Variants in PDE1C observed in about 807,000 individuals in gnomAD.
PDE1C encodes phosphodiesterase 1C, also known as dual specificity calcium/calmodulin-dependent 3',5'-cyclic nucleotide phosphodiesterase 1C.
A neutral mutation model predicts 93.1 loss-of-function variants in PDE1C; 62 were observed. The observed-to-expected ratio is 0.67, with a 90% CI of 0.54 to 0.82. PDE1C has a LOEUF of 0.82. PDE1C is among the 40% of genes least tolerant of loss of function. The probability of loss-of-function intolerance (pLI) is 0.00; values close to 1 mark genes in which losing one functional copy is unlikely to be tolerated. For missense variants in PDE1C, 742 were observed against 884.6 expected, an observed-to-expected ratio of 0.84 and a Z score of 2.04; for synonymous variants, 325 against 310.1, an observed-to-expected ratio of 1.05 and a Z score of -0.50.
chr7:31,861,773 C>G (rs959766446), intron 7 of PDE1C, among the ~76,000 whole-genome samples: 6 of 152,154 alleles, frequency 3.9e-5, no homozygotes, highest in African/African-American at 1.4e-4. Flanking sequence ...ATTTTCCTAG[C>G]AGGCTGCCTT....
chr7:32,218,668 A>G (rs2128852002), intron 1 of PDE1C, among the ~76,000 whole-genome samples: 1 of 152,064 alleles, frequency 6.6e-6, no homozygotes, highest in African/African-American at 2.4e-5. Flanking sequence ...ATTTATCTAC[A>G]CTCTATCTCA....
chr7:32,273,915 A>G (rs952464053), intron 1 of PDE1C, among the ~76,000 whole-genome samples: 35 of 152,370 alleles, frequency 2.3e-4, no homozygotes, highest in African/African-American at 6.7e-4. Context: ...CAATGCAGTT[A>G]GAATAACAAT....
intron 17 of PDE1C, among the ~76,000 whole-genome samples, chr7:31,769,167 G>A (rs1384570044): frequency 6.6e-6 from 1 of 152,188 alleles, no homozygotes; most frequent in East Asian, 1.9e-4. Context: ...ATGTTTTAAT[G>A]TGCCTTCACT....
chr7:31,822,739 T>A (rs1469444358), intron 14 of PDE1C, among the ~76,000 whole-genome samples: 1 of 152,130 alleles, frequency 6.6e-6, no homozygotes, highest in East Asian at 1.9e-4. Flanking sequence ...AATAAAAGCC[T>A]CACAGTTGTG....
chr7:32,113,290 T>C (rs1262428356), intron 3 of PDE1C, among the ~76,000 whole-genome samples: 2 of 143,518 alleles, frequency 1.4e-5, no homozygotes, highest in African/African-American at 5.1e-5. Context: ...TGGATCCATA[T>C]ATATATTTAT....
chr7:32,024,342 T>C (rs17336658), intron 2 of PDE1C, among the ~76,000 whole-genome samples: 12,253 of 151,856 alleles, frequency 0.081, 577 homozygotes, highest in Non-Finnish European at 0.092. Flanking sequence ...ATCAACATTA[T>C]AAGGCAATTG....
In PDE1C at chr7:31,878,979, A is replaced by G. The variant is rs1796933219; in HGVS notation, c.425+17T>C. ...TGGCTGCTTTAGTCACTAAATGACAATGAATGACATCTTTACCTCTCCACA... is the reference window on the plus strand; with the variant it reads ...TGGCTGCTTTAGTCACTAAATGACAGTGAATGACATCTTTACCTCTCCACA... On this transcript the variant is annotated intron_variant, in intron 4 of 17. Transcript: ENST00000396191. 2 of 1,605,692 alleles carry G rather than the reference A, an allele frequency of 1.2e-6. No individual in the cohort carries two copies. The highest frequency in any genetic ancestry group is 1.3e-5 in the African/African-American group (1 of 74,804).
chr7:31,636,185 C>A, the PDE1C span, among the ~76,000 whole-genome samples: 2 of 152,250 alleles, frequency 1.3e-5, no homozygotes, highest in East Asian at 3.9e-4. Context: ...CCACCAGGTC[C>A]CTCCCATGAC....
Position 31,825,644 on chromosome 7 carries a change from A to C in PDE1C, c.1286-657T>G, listed in dbSNP as rs147904455. ...GATAGATAAGAAGGAAGAAAGCAGG[A>C]AGGGAGAAGGATGAGAAAATCATTT... On this transcript the variant is annotated intron_variant, in intron 12 of 17. Coordinates refer to ENST00000396191, the MANE Select transcript of PDE1C (RefSeq NM_001191057.4). 8.2e-3 allele frequency among the ~76,000 whole-genome samples: 1,241 copies of C among 152,250 alleles called. 30 individuals carry two copies. Among genetic ancestry groups the C allele is most frequent in the African/African-American group, 0.028 (1,149 of 41,554 alleles).
At chr7:31,693,071 C>A in the PDE1C span, among the ~76,000 whole-genome samples, 2 of 152,262 alleles carry the variant, frequency 1.3e-5, no homozygotes, top group African/African-American at 4.8e-5. Context: ...GACATTCAGA[C>A]TTTTGATGGA....
chr7:31,643,354 A>G, the PDE1C span: 2 of 1,613,976 alleles, frequency 1.2e-6, no homozygotes, highest in Non-Finnish European at 1.7e-6. Flanking sequence ...AACATCTGAA[A>G]AGCTCATTCC....
chr7:31,799,020 A>G (rs867256537), intron 16 of PDE1C, among the ~76,000 whole-genome samples: 68 of 151,682 alleles, frequency 4.5e-4, no homozygotes, highest in African/African-American at 1.6e-3. Flanking sequence ...TAACGTGAGT[A>G]TGATTCCTTG....
chr7:31,935,518 C>T (rs774903646), intron 2 of PDE1C, among the ~76,000 whole-genome samples: 7 of 152,036 alleles, frequency 4.6e-5, no homozygotes, highest in Non-Finnish European at 7.4e-5. Flanking sequence ...TCCATCAATG[C>T]GAAGGTCAGG....
intron 7 of PDE1C, 44 bp from the exon 8 acceptor site, chr7:31,850,785 CAA>C: frequency 7.1e-7 from 1 of 1,409,212 alleles, no homozygotes. Flanking sequence ...GTTTCTTTCT[CAA>C]AGTCTTCAGC....
chr7:32,259,903 G>GACATGATGGGT (rs200595165), intron 1 of PDE1C, among the ~76,000 whole-genome samples: 2,028 of 152,222 alleles, frequency 0.013, 21 homozygotes, highest in Non-Finnish European at 0.016. Flanking sequence ...CCCATCAAGT[G>GACATGATGGGT]ACATGAGGTA....
At chr7:32,083,680 G>A (rs1224130710) in intron 3 of PDE1C, among the ~76,000 whole-genome samples, 1 of 152,178 alleles carries the variant, frequency 6.6e-6, no homozygotes. Context: ...AGCCAGAAGA[G>A]AGTGGGGTCC....
At chr7:32,207,148 T>A (rs1486487410) in intron 2 of PDE1C, among the ~76,000 whole-genome samples, 1 of 151,988 alleles carries the variant, frequency 6.6e-6, no homozygotes, top group Non-Finnish European at 1.5e-5. Context: ...CTCCACAGCA[T>A]CCACCACCAG....
At chr7:32,096,830 G>GATAGATAA (rs2128748058) in intron 3 of PDE1C, among the ~76,000 whole-genome samples, 1 of 150,212 alleles carries the variant, frequency 6.7e-6, no homozygotes, top group South Asian at 2.1e-4. Context: ...AAGATAGATA[G>GATAGATAA]ATAGATAGAT....
At chr7:31,957,494 C>A (rs1474039566) in intron 2 of PDE1C, among the ~76,000 whole-genome samples, 3 of 152,112 alleles carry the variant, frequency 2.0e-5, no homozygotes, top group African/African-American at 7.2e-5. Context: ...TTCTTACAGT[C>A]AAAATACACA....
Sources: gnomAD v4.1 joint callset for allele counts (sites outside exome capture counted in the v4.1 genomes callset) on GRCh38, gnomAD v4.1.1 for gene constraint, MANE v1.5 for transcripts, NCBI Gene and HGNC (gene_info 2026-07-23, HGNC 2026-07-21) for gene names.